PDE3B: variants seen among roughly 807,000 people sequenced by gnomAD.
PDE3B encodes cGMP-inhibited 3',5'-cyclic phosphodiesterase 3B.
Under a neutral mutation model 116.8 loss-of-function variants are expected in PDE3B, and 66 were observed. The observed-to-expected ratio is 0.56, with a 90% CI of 0.46 to 0.69. The LOEUF (loss-of-function observed/expected upper bound fraction) is 0.69, where lower values mean the gene tolerates loss of function less well. Ranked by LOEUF, PDE3B falls within the 30% of genes least tolerant of loss-of-function variation. The pLI is 0.00. For synonymous variants in PDE3B, 595 were observed against 533.6 expected (o/e 1.12, Z -1.59); for missense variants, 1,384 against 1,368.1 (o/e 1.01, Z -0.18).
chr11:14,841,630 G>GCTTAATTGAGTCACAATT (rs1306099087), intron 11 of PDE3B, among the ~76,000 whole-genome samples: 1 of 141,770 alleles, frequency 7.1e-6, no homozygotes, highest in African/African-American at 2.6e-5. Flanking sequence ...AAGGAAAGAG[G>GCTTAATTGAGTCACAATT]CTTAATTGAG....
chr11:14,851,238 T>C (rs745828504), intron 12 of PDE3B, among the ~76,000 whole-genome samples: 3 of 152,100 alleles, frequency 2.0e-5, no homozygotes, highest in Non-Finnish European at 4.4e-5. Flanking sequence ...GTGTTTCTAA[T>C]TGGATGCTTT....
the PDE3B span, chr11:14,885,848 G>A: frequency 6.2e-7 from 1 of 1,613,456 alleles, no homozygotes; most frequent in South Asian, 1.1e-5. Context: ...TGATGAACAA[G>A]GCATTCCTTT....
chr11:14,899,145 T>A, the PDE3B span, among the ~76,000 whole-genome samples: 1 of 152,112 alleles, frequency 6.6e-6, no homozygotes, highest in Admixed American at 6.5e-5. Flanking sequence ...TAGTGCTGGA[T>A]CAATGATTAC....
chr11:14,810,010 C>A (rs1010169591), intron 5 of PDE3B, among the ~76,000 whole-genome samples: 1 of 151,824 alleles, frequency 6.6e-6, no homozygotes, highest in Admixed American at 6.6e-5. Flanking sequence ...GAATTTCCAT[C>A]TTACATATTA....
chr11:14,860,255 ACTT>A (rs1847922350), intron 13 of PDE3B, among the ~76,000 whole-genome samples: 1 of 152,124 alleles, frequency 6.6e-6, no homozygotes, highest in Admixed American at 6.6e-5. Context: ...TTCCTTAAAG[ACTT>A]CTATTTTGAA....
chr11:14,868,632 A>G (rs1848090215), intron 15 of PDE3B, among the ~76,000 whole-genome samples: 1 of 152,196 alleles, frequency 6.6e-6, no homozygotes, highest in Non-Finnish European at 1.5e-5. Flanking sequence ...TTAAAGTAGA[A>G]TTTAAATTAT....
intron 4 of PDE3B, among the ~76,000 whole-genome samples, chr11:14,802,275 G>A (rs773623669): frequency 1.3e-5 from 2 of 152,202 alleles, no homozygotes; most frequent in Non-Finnish European, 2.9e-5. Context: ...CAGGGCCCCG[G>A]TGGGGTAGGC....
intron 1 of PDE3B, among the ~76,000 whole-genome samples, chr11:14,646,737 G>A (rs941249448): frequency 1.3e-5 from 2 of 152,048 alleles, no homozygotes; most frequent in Non-Finnish European, 2.9e-5. Flanking sequence ...AAATTTCTAG[G>A]CTTCTTAATC....
intron 1 of PDE3B, among the ~76,000 whole-genome samples, chr11:14,692,231 G>A (rs2133807524): frequency 6.6e-6 from 1 of 152,208 alleles, no homozygotes; most frequent in African/African-American, 2.4e-5. Context: ...CTATGACCAT[G>A]CCATTGCACT....
intron 1 of PDE3B, among the ~76,000 whole-genome samples, chr11:14,688,138 T>TCTCC (rs1854936988): frequency 1.5e-5 from 2 of 136,882 alleles, no homozygotes; most frequent in African/African-American, 2.7e-5. Context: ...TCTCTCTCTC[T>TCTCC]CTCTCCCTCC....
chr11:14,648,879 A>G (rs1465964794), intron 1 of PDE3B, among the ~76,000 whole-genome samples: 2 of 152,140 alleles, frequency 1.3e-5, no homozygotes, highest in African/African-American at 2.4e-5. Flanking sequence ...TTTGATTTTA[A>G]CATCTCCACT....
At chr11:14,738,456 T>C (rs562411762) in intron 1 of PDE3B, among the ~76,000 whole-genome samples, 6 of 152,360 alleles carry the variant, frequency 3.9e-5, no homozygotes, top group Admixed American at 1.3e-4. Flanking sequence ...GCCCACTTTT[T>C]GATGGGTTGT....
chr11:14,777,915 C>T (rs1408697534), intron 2 of PDE3B, among the ~76,000 whole-genome samples: 3 of 152,248 alleles, frequency 2.0e-5, no homozygotes, highest in African/African-American at 7.2e-5. Context: ...CAAGGGAAGC[C>T]ATGACAGACG....
At chr11:14,803,573 T>A (rs1204317802) in intron 4 of PDE3B, among the ~76,000 whole-genome samples, 2 of 152,230 alleles carry the variant, frequency 1.3e-5, no homozygotes, top group Non-Finnish European at 2.9e-5. Context: ...AAAGTAATTG[T>A]GATAACCTAT....
intron 1 of PDE3B, among the ~76,000 whole-genome samples, chr11:14,762,017 G>A (rs1334930923): frequency 6.6e-6 from 1 of 151,998 alleles, no homozygotes; most frequent in African/African-American, 2.4e-5. Flanking sequence ...CTAAAATAAA[G>A]ACAAGTCAGC....
At chr11:14,668,916 CTGTTGCCTT>C (rs1355828088) in intron 1 of PDE3B, among the ~76,000 whole-genome samples, 8 of 152,162 alleles carry the variant, frequency 5.3e-5, no homozygotes, top group Non-Finnish European at 4.4e-5. Context: ...TAAGCCTTGG[CTGTTGCCTT>C]CCATTCTTGC....
At chr11:14,763,228 A>G (rs1857409365) in intron 1 of PDE3B, among the ~76,000 whole-genome samples, 1 of 152,114 alleles carries the variant, frequency 6.6e-6, no homozygotes, top group African/African-American at 2.4e-5. Flanking sequence ...CCAAGTGAGA[A>G]AAATAATTTC....
chr11:14,891,897 C>T, the PDE3B span: 1 of 1,503,120 alleles, frequency 6.7e-7, no homozygotes, highest in Non-Finnish European at 9.0e-7. Flanking sequence ...GGCCCAGGGG[C>T]GGCCATAAGT....
downstream of PDE3B, among the ~76,000 whole-genome samples, chr11:14,875,108 G>A (rs1411008983): frequency 2.0e-5 from 3 of 152,080 alleles, no homozygotes; most frequent in African/African-American, 7.2e-5. Context: ...AGGAGAAAAT[G>A]AGATGGGGCA....
Sources: allele counts gnomAD v4.1 joint callset (sites outside exome capture counted in the v4.1 genomes callset), GRCh38; gene constraint gnomAD v4.1.1; transcripts MANE v1.5; gene names NCBI Gene and HGNC (gene_info 2026-07-23, HGNC 2026-07-21).